Variants in LINGO2 observed in about 807,000 individuals in gnomAD.
LINGO2 encodes leucine-rich repeat and immunoglobulin-like domain-containing nogo receptor-interacting protein 2.
Under a neutral mutation model 30.6 loss-of-function variants are expected in LINGO2, and 14 were observed. The ratio of observed to expected loss-of-function variants is 0.46; its 90% confidence interval spans 0.30 to 0.72. The LOEUF (loss-of-function observed/expected upper bound fraction) is 0.72. Among genes scored for constraint, LINGO2 ranks in the 30% least tolerant of loss-of-function variants. The probability of loss-of-function intolerance (pLI) is 0.07; values close to 1 mark genes in which losing one functional copy is unlikely to be tolerated. For synonymous variants in LINGO2, 317 were observed against 288.5 expected (o/e 1.10, Z -1.00); for missense variants, 729 against 751.7 (o/e 0.97, Z 0.35).
chr9:28,724,824 T>A, the LINGO2 span, among the ~76,000 whole-genome samples: 1,465 of 152,210 alleles, frequency 9.6e-3, 22 homozygotes, highest in African/African-American at 0.033. Context: ...AATCCAGAAA[T>A]ATAACCTTTG....
rs1473960772 is a variant in LINGO2 at position 28,114,154 on chromosome 9, C to A, written c.-86-101749G>T. Among the ~76,000 whole-genome samples, 3 of 67,220 alleles carry A rather than the reference C, an allele frequency of 4.5e-5. 1 individual carries two copies. The highest frequency in any genetic ancestry group is 1.1e-4 in the African/African-American group (3 of 26,754). 44.1% of individuals were successfully genotyped at this position (67,220 alleles called of 152,430 possible). A position where few individuals can be genotyped will look rare whatever the true frequency, so the allele number is the denominator to read the frequency against. ...TGAATTTTGTCAAAGGCTTTTTCTG[C>A]ATGTATTGAGATAATCATGTGGTTT... On this transcript the variant is annotated intron_variant, in intron 4 of 5. Coordinates refer to ENST00000379992, the Ensembl canonical transcript of LINGO2.
At chr9:28,648,293 G>C (rs1827934264) in intron 1 of LINGO2, among the ~76,000 whole-genome samples, 1 of 152,054 alleles carries the variant, frequency 6.6e-6, no homozygotes, top group South Asian at 2.1e-4. Context: ...AGAGAGCATA[G>C]ACTATCCCAG....
intron 4 of LINGO2, among the ~76,000 whole-genome samples, chr9:28,222,657 G>T (rs1264955298): frequency 6.6e-6 from 1 of 152,102 alleles, no homozygotes; most frequent in Non-Finnish European, 1.5e-5. Context: ...TATTTGATTT[G>T]GTTTAATAAC....
intron 5 of LINGO2, among the ~76,000 whole-genome samples, chr9:27,959,544 C>T (rs773676339): frequency 2.6e-4 from 39 of 152,104 alleles, no homozygotes; most frequent in Non-Finnish European, 4.7e-4. Flanking sequence ...ACAAAATTCC[C>T]TTCTTTAGGA....
At chr9:28,523,791 G>T (rs1213706648) in intron 1 of LINGO2, among the ~76,000 whole-genome samples, 2 of 151,506 alleles carry the variant, frequency 1.3e-5, no homozygotes, top group African/African-American at 4.8e-5. Flanking sequence ...TAAATAACTG[G>T]AAAGACATTT....
intron 2 of LINGO2, among the ~76,000 whole-genome samples, chr9:28,444,880 G>T (rs1454546093): frequency 6.6e-6 from 1 of 152,198 alleles, no homozygotes; most frequent in African/African-American, 2.4e-5. Context: ...ATCCAGGCTG[G>T]TAGTGCAAGC....
intron 5 of LINGO2, among the ~76,000 whole-genome samples, chr9:27,960,197 A>G (rs951016919): frequency 6.6e-6 from 1 of 151,988 alleles, no homozygotes; most frequent in Admixed American, 6.6e-5. Context: ...TAAGATTTTT[A>G]AAAAAACAAG....
At chr9:28,611,226 G>T (rs1166186322) in intron 1 of LINGO2, among the ~76,000 whole-genome samples, 1 of 152,072 alleles carries the variant, frequency 6.6e-6, no homozygotes, top group Non-Finnish European at 1.5e-5. Flanking sequence ...TTGACAAATT[G>T]TATACAATTA....
chr9:28,693,847 T>C, the LINGO2 span, among the ~76,000 whole-genome samples: 2 of 152,126 alleles, frequency 1.3e-5, no homozygotes, highest in African/African-American at 2.4e-5. Context: ...GTAAATGCTT[T>C]GATAAATTGC....
At chr9:28,760,754 T>A in the LINGO2 span, among the ~76,000 whole-genome samples, 1 of 151,816 alleles carries the variant, frequency 6.6e-6, no homozygotes, top group African/African-American at 2.4e-5. Context: ...ACACACAATG[T>A]TTGGTTTTCC....
chr9:28,241,267 C>CAAAAAAAAAAAAAAAAAAAAAAAAAAAA (rs1164724626), intron 4 of LINGO2, among the ~76,000 whole-genome samples: 1 of 83,606 alleles, frequency 1.2e-5, no homozygotes, highest in Non-Finnish European at 2.3e-5. Context: ...GACCCTGTCT[C>CAAAAAAAAAAAAAAAAAAAAAAAAAAAA]AAAAAAAAAA....
chr9:28,193,604 A>T (rs965150591), intron 4 of LINGO2, among the ~76,000 whole-genome samples: 23 of 152,190 alleles, frequency 1.5e-4, no homozygotes, highest in African/African-American at 5.5e-4. Flanking sequence ...AGGGGAAAAA[A>T]GGTAACCACT....
chr9:28,602,541 G>A (rs889283432), intron 1 of LINGO2, among the ~76,000 whole-genome samples: 12 of 151,896 alleles, frequency 7.9e-5, no homozygotes, highest in African/African-American at 2.9e-4. Flanking sequence ...CAAAGTGAGT[G>A]ATTATTCTTA....
the LINGO2 span, among the ~76,000 whole-genome samples, chr9:29,131,700 A>C: frequency 5.8e-4 from 89 of 152,166 alleles, 1 homozygote; most frequent in East Asian, 0.013. Context: ...AAAAGTCATC[A>C]ATGTAACTAT....
At chr9:28,373,281 T>C (rs893772620) in intron 2 of LINGO2, among the ~76,000 whole-genome samples, 1 of 152,204 alleles carries the variant, frequency 6.6e-6, no homozygotes, top group African/African-American at 2.4e-5. Context: ...GCTATTACAA[T>C]TTCTTCTCAG....
At chr9:28,179,288 A>G (rs1049990687) in intron 4 of LINGO2, among the ~76,000 whole-genome samples, 1 of 146,116 alleles carries the variant, frequency 6.8e-6, no homozygotes, top group African/African-American at 2.5e-5. Flanking sequence ...CTATATATAT[A>G]CCATATATAG....
At chr9:28,599,082 T>A (rs2135738561) in intron 1 of LINGO2, 1 of 152,280 alleles carries the variant, frequency 6.6e-6, no homozygotes, top group South Asian at 2.1e-4. Context: ...CTATAAGTTT[T>A]TAGTCTTTAT....
At chr9:29,205,155 C>T in the LINGO2 span, among the ~76,000 whole-genome samples, 9 of 152,122 alleles carry the variant, frequency 5.9e-5, no homozygotes, top group African/African-American at 2.2e-4. Flanking sequence ...ATTCTCCTGC[C>T]TTAGCTTCCC....
At chr9:29,088,525 C>T in the LINGO2 span, among the ~76,000 whole-genome samples, 2 of 152,120 alleles carry the variant, frequency 1.3e-5, no homozygotes, top group Non-Finnish European at 2.9e-5. Flanking sequence ...TCTTCCATGC[C>T]CAGTGATTAC....
Sources: allele counts gnomAD v4.1 joint callset (sites outside exome capture counted in the v4.1 genomes callset), GRCh38; gene constraint gnomAD v4.1.1; transcripts MANE v1.5; gene names NCBI Gene and HGNC (gene_info 2026-07-23, HGNC 2026-07-21).